The following HDAC8 variants were observed in gnomAD, a reference collection of about 807,000 sequenced individuals.
HDAC8 encodes histone deacetylase 8.
A neutral mutation model predicts 32.2 loss-of-function variants in HDAC8; 1 was observed. The ratio of observed to expected loss-of-function variants is 0.03; its 90% CI spans 0.01 to 0.15. HDAC8 has a LOEUF of 0.15. Ranked by LOEUF, HDAC8 falls within the 10% of genes least tolerant of loss-of-function variation. The pLI is 1.00. For synonymous variants in HDAC8, 108 were observed against 113.9 expected, an observed-to-expected ratio of 0.95 and a Z score of 0.33; for missense variants, 117 against 300.0, an observed-to-expected ratio of 0.39 and a Z score of 4.51.
chrX:72,554,987 A>C (rs959067342), intron 4 of HDAC8, among the ~76,000 whole-genome samples: 1 of 111,753 alleles, frequency 8.9e-6, no homozygotes, highest in Admixed American at 9.5e-5. Flanking sequence ...TGCACTTAAG[A>C]AAAACACAAC....
intron 4 of HDAC8, among the ~76,000 whole-genome samples, chrX:72,551,784 C>T (rs1214958801): frequency 8.9e-6 from 1 of 112,356 alleles, no homozygotes; most frequent in African/African-American, 3.2e-5. Context: ...CCATCAAGCA[C>T]AGAAAAAAGT....
At chrX:72,538,539 T>G (rs1198408250) in intron 4 of HDAC8, among the ~76,000 whole-genome samples, 1 of 111,600 alleles carries the variant, frequency 9.0e-6, no homozygotes, top group African/African-American at 3.3e-5. Context: ...TTACTACAGT[T>G]AAGACATCAG....
At chrX:72,532,167 C>T (rs1361153720) in intron 4 of HDAC8, among the ~76,000 whole-genome samples, 2 of 110,167 alleles carry the variant, frequency 1.8e-5, no homozygotes, top group African/African-American at 6.6e-5. Flanking sequence ...CTGCTATGGC[C>T]TTGAACTCCT....
chrX:72,432,861 A>G (rs891585909), intron 9 of HDAC8, among the ~76,000 whole-genome samples: 5 of 111,851 alleles, frequency 4.5e-5, no homozygotes, highest in African/African-American at 1.6e-4. Flanking sequence ...TTAGTATTCA[A>G]TAAATAGTCA....
chrX:72,524,636 G>A (rs1444696408), intron 4 of HDAC8, among the ~76,000 whole-genome samples: 2 of 111,359 alleles, frequency 1.8e-5, no homozygotes, highest in Non-Finnish European at 3.8e-5. Flanking sequence ...GGTGATACCC[G>A]TGATTGTTAG....
intron 9 of HDAC8, among the ~76,000 whole-genome samples, chrX:72,382,137 T>G (rs2045282680): frequency 8.9e-6 from 1 of 112,770 alleles, no homozygotes; most frequent in African/African-American, 3.2e-5. Context: ...GTCTGCACAG[T>G]GCAGTGTACT....
At chrX:72,557,814 T>C (rs781844072) in intron 4 of HDAC8, among the ~76,000 whole-genome samples, 1 of 111,069 alleles carries the variant, frequency 9.0e-6, no homozygotes, top group South Asian at 3.8e-4. Flanking sequence ...TCTTTTAAAA[T>C]AAATAAAATT....
intron 4 of HDAC8, among the ~76,000 whole-genome samples, chrX:72,522,610 C>A (rs1277500992): frequency 7.1e-5 from 8 of 112,156 alleles, no homozygotes; most frequent in African/African-American, 2.6e-4. Flanking sequence ...CTGGTAAGAG[C>A]CGATTGCTGC....
chrX:72,413,585 C>T (rs1371020891), intron 9 of HDAC8, among the ~76,000 whole-genome samples: 2 of 110,493 alleles, frequency 1.8e-5, no homozygotes, highest in African/African-American at 6.6e-5. Flanking sequence ...AATTGTAGTT[C>T]CCATAATCCC....
intron 9 of HDAC8, among the ~76,000 whole-genome samples, chrX:72,402,255 C>T (rs2045922675): frequency 9.0e-6 from 1 of 110,920 alleles, no homozygotes; most frequent in Non-Finnish European, 1.9e-5. Flanking sequence ...CTTAGTCAAT[C>T]TACCTACAGT....
At chrX:72,445,848 A>C (rs183647949) in intron 9 of HDAC8, among the ~76,000 whole-genome samples, 1,205 of 112,203 alleles carry the variant, frequency 0.011, 21 homozygotes, top group African/African-American at 0.037. Context: ...GAAAAAAATA[A>C]ACAACCCCAT....
intron 9 of HDAC8, among the ~76,000 whole-genome samples, chrX:72,388,375 C>T (rs1289765061): frequency 1.8e-5 from 2 of 109,917 alleles, no homozygotes; most frequent in African/African-American, 6.6e-5. Context: ...TCAGTGTTCC[C>T]TTTATTAATC....
At chrX:72,569,647 T>C (rs1450487161) in intron 2 of HDAC8, among the ~76,000 whole-genome samples, 1 of 111,832 alleles carries the variant, frequency 8.9e-6, no homozygotes, top group African/African-American at 3.3e-5. Context: ...AACCTACTCC[T>C]CACGAAAAAT....
chrX:72,362,117 A>G (rs2044569987), intron 9 of HDAC8, among the ~76,000 whole-genome samples: 1 of 111,630 alleles, frequency 9.0e-6, no homozygotes, highest in Admixed American at 9.5e-5. Context: ...TCACATTGAA[A>G]TGTGATCCCC....
At chrX:72,339,879 C>A (rs1239367071) in intron 10 of HDAC8, among the ~76,000 whole-genome samples, 1 of 112,204 alleles carries the variant, frequency 8.9e-6, no homozygotes, top group Non-Finnish European at 1.9e-5. Context: ...AACTGCATTG[C>A]TTGCCTTGGA....
At chrX:72,443,905 C>A (rs1290449320) in intron 9 of HDAC8, among the ~76,000 whole-genome samples, 33 of 109,227 alleles carry the variant, frequency 3.0e-4, no homozygotes, top group Non-Finnish European at 5.3e-4. Flanking sequence ...ATACTACAAA[C>A]ACCTCTATGC....
At chrX:72,489,115 A>C in intron 6 of HDAC8, 74 bp from the exon 7 acceptor site, 1 of 698,459 alleles carries the variant, frequency 1.4e-6, no homozygotes, top group Non-Finnish European at 2.2e-6. Context: ...ATTTCCTGAT[A>C]GGGAAATTTC....
chrX:72,357,231 T>A (rs894598650), intron 9 of HDAC8, among the ~76,000 whole-genome samples: 1 of 107,928 alleles, frequency 9.3e-6, no homozygotes, highest in African/African-American at 3.4e-5. Context: ...TGGTAGGGTG[T>A]ACGTGTGTGA....
intron 4 of HDAC8, among the ~76,000 whole-genome samples, chrX:72,550,717 A>C (rs2051038310): frequency 1.8e-5 from 2 of 111,567 alleles, no homozygotes; most frequent in Non-Finnish European, 3.8e-5. Context: ...TATTACTGAG[A>C]ATTTATTATC....
Sources: gnomAD v4.1 joint callset for allele counts (sites outside exome capture counted in the v4.1 genomes callset) on GRCh38, gnomAD v4.1.1 for gene constraint, MANE v1.5 for transcripts, NCBI Gene and HGNC (gene_info 2026-07-23, HGNC 2026-07-21) for gene names.